The following XK variants were observed in gnomAD, a reference collection of about 807,000 sequenced individuals.
XK encodes X-linked Kx blood group antigen, Kell and VPS13A binding protein, also known as endoplasmic reticulum membrane adapter protein XK.
In XK, 2 loss-of-function variants were observed where a neutral mutation model predicts 14.0. The ratio of observed to expected loss-of-function variants is 0.14; its 90% CI spans 0.06 to 0.45. The LOEUF (loss-of-function observed/expected upper bound fraction) is 0.45. Ranked by LOEUF, XK falls within the 20% of genes least tolerant of loss-of-function variation. The probability of loss-of-function intolerance (pLI) is 0.98; values close to 1 mark genes in which losing one functional copy is unlikely to be tolerated. For missense variants in XK, 235 were observed against 341.5 expected, an observed-to-expected ratio of 0.69 and a Z score of 2.46; for synonymous variants, 149 against 147.5, an observed-to-expected ratio of 1.01 and a Z score of -0.08.
intron 2 of XK, among the ~76,000 whole-genome samples, chrX:37,716,960 A>G (rs1271882369): frequency 4.5e-5 from 5 of 111,770 alleles, no homozygotes; most frequent in Non-Finnish European, 9.4e-5. Flanking sequence ...TTGAGAGGCA[A>G]TTCTCAGAAA....
intron 2 of XK, among the ~76,000 whole-genome samples, chrX:37,695,158 C>T (rs145208456): frequency 2.6e-3 from 292 of 112,197 alleles, no homozygotes; most frequent in Non-Finnish European, 4.0e-3. Flanking sequence ...TCACCTGGGA[C>T]CAAAAATACC....
At chrX:37,720,062 G>A (rs1927838559) in intron 2 of XK, among the ~76,000 whole-genome samples, 1 of 111,009 alleles carries the variant, frequency 9.0e-6, no homozygotes, top group African/African-American at 3.3e-5. Flanking sequence ...TGTCCTTTGA[G>A]TTTCTACTAG....
At chrX:37,704,399 T>C (rs145950977) in intron 2 of XK, among the ~76,000 whole-genome samples, 1,651 of 111,081 alleles carry the variant, frequency 0.015, 33 homozygotes, top group African/African-American at 0.05. Flanking sequence ...TAGCTGGATG[T>C]GGTGGTATAT....
At chrX:37,726,146 T>C (rs1927968699) in intron 2 of XK, among the ~76,000 whole-genome samples, 1 of 111,167 alleles carries the variant, frequency 9.0e-6, no homozygotes, top group African/African-American at 3.3e-5. Flanking sequence ...TCAGTATAGG[T>C]TCATCAGTTG....
intron 2 of XK, among the ~76,000 whole-genome samples, chrX:37,710,299 T>C (rs185980787): frequency 1.1e-4 from 12 of 112,483 alleles, no homozygotes; most frequent in Admixed American, 9.4e-4. Context: ...GATTCACCTA[T>C]GAGAGCGAAG....
chrX:37,728,677 C>G lies in XK; in HGVS notation c.*215C>G. Reference sequence around the variant, plus strand: ...GTTGAAGGGGCAACCCAAGGCATCACAGTTCACAGGTAACCATGTTGTGTT... The same window carrying G: ...GTTGAAGGGGCAACCCAAGGCATCAGAGTTCACAGGTAACCATGTTGTGTT... On this transcript the variant is annotated 3_prime_UTR_variant, in exon 3 of 3. Coordinates refer to ENST00000378616, the MANE Select transcript of XK (RefSeq NM_021083.4). 1 of 437,885 alleles carries G rather than the reference C, an allele frequency of 2.3e-6. No homozygotes were observed. Among genetic ancestry groups the G allele is most frequent in the Non-Finnish European group, 4.0e-6 (1 of 251,249 alleles). 36.1% of individuals were successfully genotyped at this position (437,885 alleles called of 1,213,427 possible). A position where few individuals can be genotyped will look rare whatever the true frequency, so the allele number is the denominator to read the frequency against.
At position 37,721,613 on chromosome X, in the gene XK, T is replaced by C. The variant is rs183149464; in HGVS notation, c.509-6023T>C. Among the ~76,000 whole-genome samples, 5 of 111,615 alleles carry C rather than the reference T, an allele frequency of 4.5e-5. No homozygotes were observed. The East Asian group carries it at 1.4e-3, about 31-fold the overall frequency. On this transcript the variant is annotated intron_variant, in intron 2 of 2. Transcript: ENST00000378616. ...ATAGACTAATGGTTGAAATATGAAATGGTGCAACCTACTTTGGAAAACACT... is the reference window on the plus strand; with the variant it reads ...ATAGACTAATGGTTGAAATATGAAACGGTGCAACCTACTTTGGAAAACACT...
At chrX:37,724,833 A>G (rs914257283) in intron 2 of XK, among the ~76,000 whole-genome samples, 1 of 111,139 alleles carries the variant, frequency 9.0e-6, no homozygotes, top group Admixed American at 9.6e-5. Flanking sequence ...AAAAAAAAAA[A>G]TGGGCCAAAG....
chrX:37,708,051 C>T (rs868918051), intron 2 of XK, among the ~76,000 whole-genome samples: 4 of 112,409 alleles, frequency 3.6e-5, no homozygotes, highest in African/African-American at 1.3e-4. Flanking sequence ...CAAAAAAATA[C>T]GAAAACCAGT....
chrX:37,706,001 C>A (rs1162685989), intron 2 of XK, among the ~76,000 whole-genome samples: 6 of 109,304 alleles, frequency 5.5e-5, no homozygotes, highest in African/African-American at 2.0e-4. Context: ...TTTTTCCATG[C>A]AACTCATCAA....
chrX:37,731,416 A>G lies in XK; in HGVS notation c.*2954A>G, dbSNP rs1303443662. 2.7e-5 allele frequency: 3 copies of G among 111,933 alleles called. No individual in the cohort carries two copies. 9.2% of individuals were successfully genotyped at this position (111,933 alleles called of 1,213,427 possible). ...TTGGCACTTCCCTGTCCAGCACTAC[A>G]ACTTAATTGCTCTATGCCTCAGTTT... On this transcript the variant is annotated 3_prime_UTR_variant, in exon 3 of 3. Coordinates refer to ENST00000378616, the MANE Select transcript of XK (RefSeq NM_021083.4).
At chrX:37,693,298 C>T (rs782395488) in intron 1 of XK, among the ~76,000 whole-genome samples, 7 of 111,587 alleles carry the variant, frequency 6.3e-5, no homozygotes, top group Admixed American at 1.9e-4. Flanking sequence ...TACAAACCTA[C>T]GGCCATGAAT....
At chrX:37,690,853 T>C in intron 1 of XK, among the ~76,000 whole-genome samples, 1 of 112,372 alleles carries the variant, frequency 8.9e-6, no homozygotes, top group Non-Finnish European at 1.9e-5. Context: ...TAAAAGTATC[T>C]AATTTCTGGC....
intron 2 of XK, among the ~76,000 whole-genome samples, chrX:37,710,278 C>G (rs1556446427): frequency 1.8e-5 from 2 of 112,098 alleles, no homozygotes; most frequent in African/African-American, 6.5e-5. Flanking sequence ...CAAAGCTCTA[C>G]TGGTGCTCTG....
chrX:37,708,917 AATTTCATT>A (rs1927605324), intron 2 of XK, among the ~76,000 whole-genome samples: 1 of 112,366 alleles, frequency 8.9e-6, no homozygotes, highest in African/African-American at 3.2e-5. Flanking sequence ...CCATAATAAA[AATTTCATT>A]ATCTTGAGAT....
intron 2 of XK, 144 bp downstream of exon 2, chrX:37,694,692 T>A: frequency 1.1e-6 from 1 of 909,459 alleles, no homozygotes; most frequent in Non-Finnish European, 1.5e-6. Flanking sequence ...AAAACTCAAT[T>A]AAAATAACAA....
intron 2 of XK, 29 bp downstream of exon 2, chrX:37,694,577 T>C: frequency 2.5e-6 from 3 of 1,179,547 alleles, no homozygotes; most frequent in Non-Finnish European, 3.4e-6. Context: ...TCTGCCTGCA[T>C]TTGGGGATCA....
At chrX:37,697,700 G>A (rs1365774612) in intron 2 of XK, among the ~76,000 whole-genome samples, 2 of 111,786 alleles carry the variant, frequency 1.8e-5, no homozygotes, top group Non-Finnish European at 3.8e-5. Flanking sequence ...TCACTACTTT[G>A]GGTGTACAAT....
At chrX:37,700,404 C>A (rs1927389183) in intron 2 of XK, among the ~76,000 whole-genome samples, 1 of 112,057 alleles carries the variant, frequency 8.9e-6, no homozygotes, top group Non-Finnish European at 1.9e-5. Context: ...CTGCTGCCAT[C>A]AGCCCATGCT....
Sources: gnomAD v4.1 joint callset for allele counts (sites outside exome capture counted in the v4.1 genomes callset) on GRCh38, gnomAD v4.1.1 for gene constraint, MANE v1.5 for transcripts, NCBI Gene and HGNC (gene_info 2026-07-23, HGNC 2026-07-21) for gene names.